GPHN: variants seen among roughly 807,000 people sequenced by gnomAD.
GPHN encodes gephyrin.
In GPHN, 17 loss-of-function variants were observed where a neutral mutation model predicts 95.5. The ratio of observed to expected loss-of-function variants is 0.18; its 90% CI spans 0.12 to 0.27. The LOEUF is 0.27. Among genes scored for constraint, GPHN ranks in the 10% least tolerant of loss-of-function variants. The probability of loss-of-function intolerance (pLI) is 1.00; values close to 1 mark genes in which losing one functional copy is unlikely to be tolerated. For synonymous variants in GPHN, 320 were observed against 322.5 expected (o/e 0.99, Z 0.08); for missense variants, 660 against 978.1 (o/e 0.67, Z 4.34).
intron 10 of GPHN, among the ~76,000 whole-genome samples, chr14:67,026,563 C>T (rs1378389129): frequency 6.6e-6 from 1 of 152,152 alleles, no homozygotes; most frequent in African/African-American, 2.4e-5. Context: ...AAATAAGTTG[C>T]TTGTGTATAT....
chr14:66,998,554 T>G (rs1252395878), intron 9 of GPHN, among the ~76,000 whole-genome samples: 1 of 152,136 alleles, frequency 6.6e-6, no homozygotes, highest in Non-Finnish European at 1.5e-5. Flanking sequence ...GACAGGATCA[T>G]TGGTACAAAG....
the GPHN span, among the ~76,000 whole-genome samples, chr14:67,327,654 A>G: frequency 0.064 from 9,686 of 150,834 alleles, 592 homozygotes; most frequent in African/African-American, 0.16. Context: ...CCCACCCCAC[A>G]ACAGGCCCCA....
At chr14:67,637,912 G>C in the GPHN span, among the ~76,000 whole-genome samples, 45 of 152,340 alleles carry the variant, frequency 3.0e-4, no homozygotes, top group South Asian at 2.1e-3. Flanking sequence ...AAGTGAGCAG[G>C]AGTAATGTGC....
the GPHN span, among the ~76,000 whole-genome samples, chr14:67,339,606 T>C: frequency 6.6e-6 from 1 of 152,210 alleles, no homozygotes; most frequent in Non-Finnish European, 1.5e-5. Context: ...AACCAATTCA[T>C]GGACATGCAT....
chr14:67,324,860 A>AT, the GPHN span, among the ~76,000 whole-genome samples: 1 of 139,930 alleles, frequency 7.1e-6, no homozygotes, highest in African/African-American at 2.7e-5. Flanking sequence ...AAGTTCTTGG[A>AT]TTGCAGGTGT....
At chr14:67,532,987 G>A in the GPHN span, among the ~76,000 whole-genome samples, 3 of 152,120 alleles carry the variant, frequency 2.0e-5, no homozygotes, top group African/African-American at 4.8e-5. Flanking sequence ...CCGGCGCCCG[G>A]GACACCCCGC....
the GPHN span, among the ~76,000 whole-genome samples, chr14:67,504,252 G>C: frequency 8.5e-5 from 13 of 152,076 alleles, no homozygotes; most frequent in African/African-American, 3.1e-4. Context: ...GACCTCAAGT[G>C]ATGCGCTTAC....
chr14:67,165,063 T>C, intron 19 of GPHN, 99 bp from the exon 20 acceptor site: 1 of 820,796 alleles, frequency 1.2e-6, no homozygotes, highest in Non-Finnish European at 2.1e-6. Flanking sequence ...AAAGTGTTTT[T>C]TATATGATAA....
intron 8 of GPHN, among the ~76,000 whole-genome samples, chr14:66,927,358 A>AT (rs2066537224): frequency 6.6e-6 from 1 of 151,940 alleles, no homozygotes; most frequent in African/African-American, 2.4e-5. Flanking sequence ...CAAAAAAAAA[A>AT]AAAAAAGATA....
At chr14:66,809,631 C>T (rs190842899) in intron 3 of GPHN, among the ~76,000 whole-genome samples, 62 of 152,276 alleles carry the variant, frequency 4.1e-4, no homozygotes, top group South Asian at 2.3e-3. Context: ...ACAAGTAACA[C>T]CATACAACTG....
chr14:66,997,681 A>G (rs1363564492), intron 9 of GPHN, among the ~76,000 whole-genome samples: 1 of 152,228 alleles, frequency 6.6e-6, no homozygotes, highest in Non-Finnish European at 1.5e-5. Flanking sequence ...ATAGCCTCAC[A>G]AAGTTGAATT....
chr14:67,468,272 C>T, the GPHN span, among the ~76,000 whole-genome samples: 1 of 152,288 alleles, frequency 6.6e-6, no homozygotes, highest in East Asian at 1.9e-4. Context: ...CCGCACCTGG[C>T]CAGTGTTTCA....
the GPHN span, among the ~76,000 whole-genome samples, chr14:67,629,434 A>C: frequency 1.3e-5 from 2 of 152,264 alleles, no homozygotes; most frequent in Non-Finnish European, 1.5e-5. Context: ...CAGTGACAAA[A>C]GGACAAATAC....
chr14:67,382,730 G>A, the GPHN span: 1 of 894,412 alleles, frequency 1.1e-6, no homozygotes, highest in Non-Finnish European at 1.8e-6. Flanking sequence ...TGGTGTTAGG[G>A]TCACCCCCCG....
the GPHN span, among the ~76,000 whole-genome samples, chr14:67,341,630 C>G: frequency 2.0e-5 from 3 of 151,988 alleles, no homozygotes; most frequent in South Asian, 2.1e-4. Flanking sequence ...CCCGGCCACC[C>G]CTACTGGGAA....
chr14:66,994,503 A>G, intron 9 of GPHN, among the ~76,000 whole-genome samples: 1 of 152,226 alleles, frequency 6.6e-6, no homozygotes, highest in Non-Finnish European at 1.5e-5. Flanking sequence ...TGAGATGTTT[A>G]ATGTGCACCA....
the GPHN span, among the ~76,000 whole-genome samples, chr14:67,542,679 T>A: frequency 2.0e-5 from 3 of 148,536 alleles, no homozygotes; most frequent in South Asian, 6.2e-4. Context: ...TAACATTCTA[T>A]TTTATTTTAT....
intron 1 of GPHN, among the ~76,000 whole-genome samples, chr14:66,667,763 G>C (rs915152812): frequency 6.6e-6 from 1 of 152,162 alleles, no homozygotes; most frequent in African/African-American, 2.4e-5. Context: ...CATGACAAAA[G>C]TGTCGAAAGC....
chr14:66,857,661 C>T (rs541569297), intron 4 of GPHN, among the ~76,000 whole-genome samples: 13 of 152,262 alleles, frequency 8.5e-5, no homozygotes, highest in African/African-American at 3.1e-4. Flanking sequence ...TAACAACTCT[C>T]CACAGAAGAA....
Sources: gnomAD v4.1 joint callset for allele counts (sites outside exome capture counted in the v4.1 genomes callset) on GRCh38, gnomAD v4.1.1 for gene constraint, MANE v1.5 for transcripts, NCBI Gene and HGNC (gene_info 2026-07-23, HGNC 2026-07-21) for gene names.